Variants in GALNT13 observed in about 807,000 individuals in gnomAD.
GALNT13 encodes the protein polypeptide N-acetylgalactosaminyltransferase 13.
Under a neutral mutation model 64.2 loss-of-function variants are expected in GALNT13, and 28 were observed. The ratio of observed to expected loss-of-function variants is 0.44; its 90% confidence interval spans 0.32 to 0.60. The LOEUF is 0.60. Among genes scored for constraint, GALNT13 ranks in the 20% least tolerant of loss-of-function variants. The pLI is 0.05. For missense variants in GALNT13, 577 were observed against 669.8 expected (o/e 0.86, Z 1.53); for synonymous variants, 214 against 224.6 (o/e 0.95, Z 0.42).
chr2:154,103,102 T>G, intron 3 of GALNT13, among the ~76,000 whole-genome samples: 1 of 152,224 alleles, frequency 6.6e-6, no homozygotes, highest in South Asian at 2.1e-4. Context: ...AAATATATTT[T>G]TCAAATTTCT....
At chr2:153,826,780 C>G in the GALNT13 span, among the ~76,000 whole-genome samples, 1 of 151,960 alleles carries the variant, frequency 6.6e-6, no homozygotes, top group Admixed American at 6.6e-5. Flanking sequence ...GGCTTGGACT[C>G]AGGTAGAAGC....
chr2:154,414,820 T>C (rs1174229545), intron 11 of GALNT13, among the ~76,000 whole-genome samples: 2 of 152,004 alleles, frequency 1.3e-5, no homozygotes, highest in African/African-American at 4.8e-5. Context: ...TTCAAGTTTA[T>C]ATATTAAAAC....
intron 1 of GALNT13, among the ~76,000 whole-genome samples, chr2:153,891,404 T>A (rs1256811508): frequency 6.6e-6 from 1 of 152,066 alleles, no homozygotes; most frequent in Non-Finnish European, 1.5e-5. Flanking sequence ...AGTCAGAGAT[T>A]GTGCACTTTA....
the GALNT13 span, among the ~76,000 whole-genome samples, chr2:153,303,296 G>A: frequency 1.3e-5 from 2 of 151,878 alleles, no homozygotes; most frequent in African/African-American, 2.4e-5. Context: ...TTTATTATTA[G>A]TTGGTGTAGC....
intron 9 of GALNT13, among the ~76,000 whole-genome samples, chr2:154,387,477 G>A (rs1040737826): frequency 6.6e-6 from 1 of 152,014 alleles, no homozygotes; most frequent in Non-Finnish European, 1.5e-5. Context: ...AATACACAAT[G>A]CATCGTTGTT....
the GALNT13 span, among the ~76,000 whole-genome samples, chr2:153,758,236 C>A: frequency 6.6e-6 from 1 of 151,328 alleles, no homozygotes; most frequent in South Asian, 2.1e-4. Flanking sequence ...ATTGAAGAGA[C>A]TGTCTTTTTT....
At chr2:153,087,128 G>A in the GALNT13 span, among the ~76,000 whole-genome samples, 2 of 152,042 alleles carry the variant, frequency 1.3e-5, no homozygotes, top group South Asian at 4.1e-4. Flanking sequence ...TGTCATAGAT[G>A]GCTTTTATTA....
chr2:153,628,536 T>G, the GALNT13 span, among the ~76,000 whole-genome samples: 3 of 151,898 alleles, frequency 2.0e-5, no homozygotes, highest in African/African-American at 7.2e-5. Flanking sequence ...ACCTAATTTA[T>G]TGAGAGTTTT....
chr2:153,250,153 A>C, the GALNT13 span, among the ~76,000 whole-genome samples: 1 of 152,370 alleles, frequency 6.6e-6, no homozygotes, highest in East Asian at 1.9e-4. Context: ...CAAAGGTCTA[A>C]TATCCAGAAT....
intron 9 of GALNT13, among the ~76,000 whole-genome samples, chr2:154,366,586 CATTA>C (rs1221208292): frequency 1.3e-5 from 2 of 152,122 alleles, no homozygotes; most frequent in African/African-American, 4.8e-5. Flanking sequence ...TCCAAGTGAG[CATTA>C]ATTTTTAACA....
the GALNT13 span, among the ~76,000 whole-genome samples, chr2:153,392,421 G>A: frequency 6.6e-6 from 1 of 151,992 alleles, no homozygotes; most frequent in African/African-American, 2.4e-5. Context: ...GTTCAAGAAG[G>A]TGTTTGTTTC....
intron 3 of GALNT13, among the ~76,000 whole-genome samples, chr2:154,066,006 T>G (rs897210187): frequency 5.3e-5 from 8 of 152,182 alleles, no homozygotes; most frequent in African/African-American, 1.7e-4. Context: ...TAAAATCCTA[T>G]GAGATAAATT....
At chr2:153,948,119 C>T (rs970405922) in intron 3 of GALNT13, among the ~76,000 whole-genome samples, 30 of 151,934 alleles carry the variant, frequency 2.0e-4, no homozygotes, top group African/African-American at 6.8e-4. Context: ...TAGAATGATG[C>T]CTCTAGCTTT....
the GALNT13 span, among the ~76,000 whole-genome samples, chr2:153,461,386 T>A: frequency 6.6e-6 from 1 of 152,008 alleles, no homozygotes; most frequent in African/African-American, 2.4e-5. Flanking sequence ...AAGATTTTGA[T>A]AGAATTAAGT....
chr2:153,212,183 A>T, the GALNT13 span, among the ~76,000 whole-genome samples: 1 of 152,132 alleles, frequency 6.6e-6, no homozygotes, highest in African/African-American at 2.4e-5. Flanking sequence ...TTCTAGGTAC[A>T]TATCCTTTGC....
intron 4 of GALNT13, among the ~76,000 whole-genome samples, chr2:154,226,085 C>T (rs556811998): frequency 6.6e-6 from 1 of 152,074 alleles, no homozygotes; most frequent in Admixed American, 6.6e-5. Context: ...TATGACCCAC[C>T]TTGGAAAAGA....
At chr2:154,169,664 C>G (rs1233294732) in intron 4 of GALNT13, among the ~76,000 whole-genome samples, 2 of 152,134 alleles carry the variant, frequency 1.3e-5, no homozygotes, top group Non-Finnish European at 2.9e-5. Flanking sequence ...AAAGGCAGCT[C>G]TCTTCAATTT....
intron 4 of GALNT13, among the ~76,000 whole-genome samples, chr2:154,164,574 A>G (rs1007362247): frequency 6.6e-6 from 1 of 152,144 alleles, no homozygotes. Flanking sequence ...TGTGAGATTC[A>G]GGAGAACAAA....
At chr2:153,524,752 A>G in the GALNT13 span, among the ~76,000 whole-genome samples, 77 of 152,310 alleles carry the variant, frequency 5.1e-4, no homozygotes, top group African/African-American at 1.6e-3. Flanking sequence ...TTGAGTTCCT[A>G]CAAGCCTGAT....
Sources: gnomAD v4.1 joint callset for allele counts (sites outside exome capture counted in the v4.1 genomes callset) on GRCh38, gnomAD v4.1.1 for gene constraint, MANE v1.5 for transcripts, NCBI Gene and HGNC (gene_info 2026-07-23, HGNC 2026-07-21) for gene names.